The following NALCN variants were observed in gnomAD, a reference collection of about 807,000 sequenced individuals.
The protein encoded by NALCN is sodium leak channel, non-selective.
A neutral mutation model predicts 225.3 loss-of-function variants in NALCN; 111 were observed. The ratio of observed to expected loss-of-function variants is 0.49; its 90% CI spans 0.42 to 0.58. The LOEUF (loss-of-function observed/expected upper bound fraction) is 0.58, where lower values mean the gene tolerates loss of function less well. Ranked by LOEUF, NALCN falls within the 20% of genes least tolerant of loss-of-function variation. NALCN has a pLI of 0.00. For missense variants in NALCN, 1,378 were observed against 2,202.4 expected, an observed-to-expected ratio of 0.63 and a Z score of 7.49; for synonymous variants, 764 against 769.0, an observed-to-expected ratio of 0.99 and a Z score of 0.11.
At position 101,138,110 on chromosome 13, in the gene NALCN, T is replaced by C. The variant is rs7330033; in HGVS notation, c.2118+4970A>G. Among the ~76,000 whole-genome samples the C allele has an allele frequency of 8.7e-3, 1,318 of 152,322 alleles. 26 individuals carry two copies. Among genetic ancestry groups the C allele is most frequent in the African/African-American group, 0.03 (1,245 of 41,560 alleles). On this transcript the variant is annotated intron_variant, in intron 17 of 43. Coordinates refer to ENST00000251127, the MANE Select transcript of NALCN (RefSeq NM_052867.4). ...TCTGTAAGGGGAACTTAGGGGGTTC[T>C]GTCTCATGGTTCCAGTAATACTTTT...
At chr13:101,206,710 AAAC>A (rs1216219722) in intron 13 of NALCN, among the ~76,000 whole-genome samples, 10 of 149,184 alleles carry the variant, frequency 6.7e-5, no homozygotes, top group African/African-American at 1.7e-4. Context: ...AAAATAATTC[AAAC>A]AACAGGTTTT....
Position 101,386,118 on chromosome 13 carries a change from T to C in NALCN, c.292-7465A>G, listed in dbSNP as rs185771215. Among the ~76,000 whole-genome samples, 1,162 of 152,262 alleles carry C rather than the reference T, an allele frequency of 7.6e-3. 7 individuals carry two copies. Among genetic ancestry groups the C allele is most frequent in the Non-Finnish European group, 0.013 (868 of 68,014 alleles). ...TCCACTGTGGTTTGATTAGTGCAAA[T>C]AATTGGGTAAGGGATGTTTTAAATG... On this transcript the variant is annotated intron_variant, in intron 3 of 43. Transcript: ENST00000251127.
chr13:101,121,772 C>T (rs1189534393), intron 18 of NALCN, among the ~76,000 whole-genome samples: 2 of 152,052 alleles, frequency 1.3e-5, no homozygotes, highest in Non-Finnish European at 2.9e-5. Context: ...TGGGAGACCC[C>T]ACTGCTAAGT....
chr13:101,141,908 A>G (rs1365637116), intron 17 of NALCN, among the ~76,000 whole-genome samples: 1 of 152,184 alleles, frequency 6.6e-6, no homozygotes, highest in African/African-American at 2.4e-5. Context: ...AAAGTGGAAT[A>G]CTTGCAAGTG....
At chr13:101,107,659 T>C in intron 21 of NALCN, 39 bp downstream of exon 21, 1 of 1,613,938 alleles carries the variant, frequency 6.2e-7, no homozygotes, top group Non-Finnish European at 8.5e-7. Flanking sequence ...ATTTTGCCAT[T>C]CCCGAATGAG....
At chr13:101,188,766 C>G (rs929103714) in intron 14 of NALCN, among the ~76,000 whole-genome samples, 1 of 114,696 alleles carries the variant, frequency 8.7e-6, no homozygotes, top group Non-Finnish European at 1.7e-5. Context: ...CTCACTGCAA[C>G]CCCCACCTCC....
intron 26 of NALCN, among the ~76,000 whole-genome samples, chr13:101,102,411 C>T (rs1458010768): frequency 7.9e-5 from 12 of 152,116 alleles, no homozygotes; most frequent in African/African-American, 2.2e-4. Context: ...CTCTAGAAAG[C>T]AAGATACAAA....
In NALCN at chr13:101,054,687, A is replaced by G. The variant is rs2030989826; in HGVS notation, c.*608T>C. 6.6e-6 allele frequency: 1 copy of G among 152,240 alleles called. No individual in the cohort carries two copies. Among genetic ancestry groups the G allele is most frequent in the African/African-American group, 2.4e-5 (1 of 41,460 alleles). 9.4% of individuals were successfully genotyped at this position (152,240 alleles called of 1,614,324 possible). A position where few individuals can be genotyped will look rare whatever the true frequency, so the allele number is the denominator to read the frequency against. On this transcript the variant is annotated 3_prime_UTR_variant, in exon 44 of 44. Coordinates refer to ENST00000251127, the MANE Select transcript of NALCN (RefSeq NM_052867.4). ...CAGTTTCATTAACATAACTGAGGAC[A>G]GAAATCAACTTGTTCTGGTCACCAA... is the stretch of plus-strand genomic sequence containing the variant.
In NALCN at chr13:101,104,526, G is replaced by A; in HGVS notation, c.2757+4C>T. The A allele has an allele frequency of 6.2e-7, 1 of 1,613,942 alleles. No homozygotes were observed. The highest frequency in any genetic ancestry group is 8.5e-7 in the Non-Finnish European group (1 of 1,179,886). ...AGCTGAGATTTTGCAGCGGTAAGCGGTACCTGCAAAGTAGGTGCATGCATG... is the reference window on the plus strand; with the variant it reads ...AGCTGAGATTTTGCAGCGGTAAGCGATACCTGCAAAGTAGGTGCATGCATG... On this transcript the variant is annotated splice_donor_region_variant and intron_variant, in intron 24 of 43. Transcript: ENST00000251127. The surrounding 1 kb of genome is among the most constrained non-coding windows in gnomAD (Gnocchi z 4.2).
At chr13:101,220,733 T>C (rs1323092050) in intron 13 of NALCN, among the ~76,000 whole-genome samples, 1 of 152,210 alleles carries the variant, frequency 6.6e-6, no homozygotes, top group African/African-American at 2.4e-5. Context: ...TGATTACTAT[T>C]ATAGCTGGAA....
intron 41 of NALCN, among the ~76,000 whole-genome samples, 176 bp from the exon 42 acceptor site, chr13:101,060,143 T>G (rs1451570486): frequency 6.6e-6 from 1 of 152,146 alleles, no homozygotes; most frequent in Non-Finnish European, 1.5e-5. Flanking sequence ...GGTAGGCTGA[T>G]GCAAAGGTGG....
At chr13:101,380,254 G>C (rs760276804) in intron 3 of NALCN, among the ~76,000 whole-genome samples, 1 of 151,978 alleles carries the variant, frequency 6.6e-6, no homozygotes, top group Non-Finnish European at 1.5e-5. Context: ...AAGTGAAGAA[G>C]AAACTTGTCT....
intron 13 of NALCN, among the ~76,000 whole-genome samples, chr13:101,200,833 G>A (rs2040090049): frequency 6.6e-6 from 1 of 152,142 alleles, no homozygotes; most frequent in African/African-American, 2.4e-5. Flanking sequence ...TCATGCAAAG[G>A]AGTTTTAAGC....
intron 11 of NALCN, among the ~76,000 whole-genome samples, chr13:101,257,564 G>T (rs1375113370): frequency 1.3e-5 from 2 of 152,082 alleles, no homozygotes; most frequent in South Asian, 2.1e-4. Flanking sequence ...TGTGAAAAAT[G>T]CTTTGGTAAA....
At chr13:101,221,525 T>A (rs1452256587) in intron 13 of NALCN, among the ~76,000 whole-genome samples, 1 of 152,144 alleles carries the variant, frequency 6.6e-6, no homozygotes, top group African/African-American at 2.4e-5. Flanking sequence ...TGGACTGTCC[T>A]CCCCTGGGGG....
At position 101,220,129 on chromosome 13, in the gene NALCN, C is replaced by A. The variant is rs149520296; in HGVS notation, c.1626+9264G>T. ...CATTGCTGGGAGGCAGCCTCCAAGA[C>A]GGCCTGGACCCAAGTCAAGATAACA... On this transcript the variant is annotated intron_variant, in intron 13 of 43. Coordinates refer to ENST00000251127, the MANE Select transcript of NALCN (RefSeq NM_052867.4). Among the ~76,000 whole-genome samples, 391 of 152,290 alleles carry A rather than the reference C, an allele frequency of 2.6e-3. 5 individuals are homozygous for A. Among genetic ancestry groups the A allele is most frequent in the Non-Finnish European group, 5.0e-4 (34 of 68,020 alleles).
At position 101,055,143 on chromosome 13, in the gene NALCN, C is replaced by G; in HGVS notation, c.*152G>C. ...TAACCCATCATACATGCAGCTTATG[C>G]CTTTCTGTGGCAGGATGAAAATCAA... On this transcript the variant is annotated 3_prime_UTR_variant, in exon 44 of 44. Coordinates refer to ENST00000251127, the MANE Select transcript of NALCN (RefSeq NM_052867.4). 1.5e-6 allele frequency: 1 copy of G among 681,936 alleles called. No homozygotes were observed. Among genetic ancestry groups the G allele is most frequent in the Non-Finnish European group, 2.4e-6 (1 of 416,460 alleles). The allele number at this position is 681,936 out of a possible 1,614,324, so 42.2% of individuals were successfully genotyped here. A position where few individuals can be genotyped will look rare whatever the true frequency, so the allele number is the denominator to read the frequency against.
chr13:101,079,847 GCTCA>G (rs2033508650), intron 34 of NALCN, among the ~76,000 whole-genome samples: 1 of 152,100 alleles, frequency 6.6e-6, no homozygotes, highest in Non-Finnish European at 1.5e-5. Flanking sequence ...TAAGAAGGAC[GCTCA>G]CTATGTTCAT....
intron 13 of NALCN, among the ~76,000 whole-genome samples, chr13:101,216,184 T>C (rs1217544134): frequency 2.6e-5 from 4 of 152,106 alleles, no homozygotes; most frequent in Non-Finnish European, 2.9e-5. Flanking sequence ...GTAATGACAA[T>C]AAATAAAATA....
Sources: gnomAD v4.1 joint callset for allele counts (sites outside exome capture counted in the v4.1 genomes callset) on GRCh38, gnomAD v4.1.1 for gene constraint, Gnocchi (gnomAD v3.1) non-coding constraint, MANE v1.5 for transcripts, NCBI Gene and HGNC (gene_info 2026-07-23, HGNC 2026-07-21) for gene names.